The following RUVBL2 variants were observed in gnomAD, a reference collection of about 807,000 sequenced individuals.
RUVBL2 encodes RuvB like AAA ATPase 2.
RUVBL2 carries 9 observed loss-of-function variants against 57.9 expected under a neutral mutation model. The observed-to-expected ratio is 0.16, with a 90% confidence interval of 0.09 to 0.27. The LOEUF (loss-of-function observed/expected upper bound fraction) is 0.27. RUVBL2 is among the 10% of genes least tolerant of loss of function. RUVBL2 has a pLI of 1.00. For synonymous variants in RUVBL2, 278 were observed against 264.6 expected (o/e 1.05, Z -0.49); for missense variants, 456 against 669.6 (o/e 0.68, Z 3.52).
Position 49,011,684 on chromosome 19 carries a change from C to A in RUVBL2, c.1001+374C>A, listed in dbSNP as rs771998178. Among the ~76,000 whole-genome samples the A allele has an allele frequency of 6.6e-6, 1 of 152,186 alleles. No homozygotes were observed. The highest frequency in any genetic ancestry group is 1.5e-5 in the Non-Finnish European group (1 of 68,024). Reference sequence around the variant, plus strand: ...ACTACGATTGTTCAGTCACTTCGACCCAGCAACTCCATTAACAGAACTCTT... The same window carrying A: ...ACTACGATTGTTCAGTCACTTCGACACAGCAACTCCATTAACAGAACTCTT... On this transcript the variant is annotated intron_variant, in intron 11 of 14. Coordinates refer to ENST00000595090, the MANE Select transcript of RUVBL2 (RefSeq NM_006666.3). This position sits in a 1 kb window ranked among gnomAD's most constrained non-coding sequence, Gnocchi z 4.4.
At chr19:48,996,627 G>A (rs1012880730) in intron 1 of RUVBL2, among the ~76,000 whole-genome samples, 1 of 151,894 alleles carries the variant, frequency 6.6e-6, no homozygotes, top group African/African-American at 2.4e-5. Flanking sequence ...CTGGGTTCAA[G>A]CAATTCTCCT....
rs371491686 is a variant in RUVBL2, at chr19:48,999,389, C to A, written c.67+16C>A. 5 of 1,613,878 alleles carry A rather than the reference C, an allele frequency of 3.1e-6. No individual in the cohort carries two copies. The African/African-American group carries it at 6.7e-5, about 22-fold the overall frequency. Reference sequence around the variant, plus strand: ...GAGCGAATCGGTGAGTGAGTTGGGTCAGGAATAGGACCTAAGCCCTGCCTG... The same window carrying A: ...GAGCGAATCGGTGAGTGAGTTGGGTAAGGAATAGGACCTAAGCCCTGCCTG... On this transcript the variant is annotated intron_variant, in intron 2 of 14. Transcript: ENST00000595090.
intron 1 of RUVBL2, chr19:48,994,954 G>A (rs1368645310): frequency 6.6e-6 from 1 of 152,106 alleles, no homozygotes; most frequent in Non-Finnish European, 1.5e-5. Flanking sequence ...CTGAACTTAG[G>A]GACTGGGCTG....
Position 49,015,863 on chromosome 19 carries a change from C to T in RUVBL2, c.*21C>T, listed in dbSNP as rs756253228. 45 of 1,614,060 alleles carry T rather than the reference C, an allele frequency of 2.8e-5. No homozygotes were observed. The highest frequency in any genetic ancestry group is 3.2e-5 in the Non-Finnish European group (38 of 1,180,012). Reference sequence around the variant, plus strand: ...CCTGAGTTGGATGTCATCCCCCGACCCCACCCTGTTTTCCACCAGAGTTCT... The same window carrying T: ...CCTGAGTTGGATGTCATCCCCCGACTCCACCCTGTTTTCCACCAGAGTTCT... On this transcript the variant is annotated 3_prime_UTR_variant, in exon 15 of 15. Transcript: ENST00000595090.
At chr19:48,994,201 G>A (rs2039006672) in intron 1 of RUVBL2, 2 of 541,042 alleles carry the variant, frequency 3.7e-6, no homozygotes, top group Admixed American at 6.2e-5. Flanking sequence ...AAATCATCTT[G>A]GCGCAACGGC....
chr19:49,013,758 GA>G (rs2039483283), intron 11 of RUVBL2, among the ~76,000 whole-genome samples: 1 of 152,110 alleles, frequency 6.6e-6, no homozygotes, highest in Non-Finnish European at 1.5e-5. Context: ...ATTAAAAATA[GA>G]AAAAACTAGC....
In RUVBL2 at chr19:49,004,305, C is replaced by T. The variant is rs199906858; in HGVS notation, c.152C>T (p.Ala51Val). Residue 51 changes from alanine to valine, a missense_variant, in exon 4 of 15, where the codon GCG becomes GTG. Ala to Val is a moderately conservative substitution (Grantham distance 64). This residue lies in a region of RUVBL2 where 233 missense variants were observed against 306.0 expected (regional missense o/e 0.76). Coordinates refer to ENST00000595090, the MANE Select transcript of RUVBL2 (RefSeq NM_006666.3). Reference protein sequence around the residue: ...QASQGMVGQLAARRAAGVVLE... With the variant: ...QASQGMVGQLVARRAAGVVLE... ...TCGCAAGGCATGGTGGGTCAGCTGG[C>T]GGCACGGCGGGCGGCTGGCGTGGTG... 612 of 1,612,110 alleles carry T rather than the reference C, an allele frequency of 3.8e-4. 3 individuals carry two copies. The highest frequency in any genetic ancestry group is 3.3e-5 in the South Asian group (3 of 91,034).
intron 1 of RUVBL2, among the ~76,000 whole-genome samples, chr19:48,998,573 G>A (rs538186042): frequency 6.6e-6 from 1 of 151,888 alleles, no homozygotes; most frequent in African/African-American, 2.4e-5. Context: ...GCCAAGTGTG[G>A]TGGTGTGCGC....
chr19:49,009,419 A>G (rs184955905), intron 6 of RUVBL2, among the ~76,000 whole-genome samples: 31 of 150,278 alleles, frequency 2.1e-4, no homozygotes, highest in East Asian at 2.0e-3. Context: ...CCCGGGAGGC[A>G]GAGCTTGCAG....
At chr19:48,998,191 TC>T (rs2039101626) in intron 1 of RUVBL2, among the ~76,000 whole-genome samples, 1 of 152,166 alleles carries the variant, frequency 6.6e-6, no homozygotes, top group Admixed American at 6.5e-5. Context: ...AGAAAGGGCC[TC>T]CCCTAGGGGG....
At chr19:49,006,896 T>C (rs1017309176) in intron 4 of RUVBL2, 122 bp from the exon 5 acceptor site, 1 of 1,320,430 alleles carries the variant, frequency 7.6e-7, no homozygotes, top group African/African-American at 1.5e-5. Context: ...GCCAAGTCCT[T>C]ACATGTAGGA....
chr19:48,993,738 A>G (rs1477500029), upstream of RUVBL2: 4 of 786,288 alleles, frequency 5.1e-6, no homozygotes, highest in South Asian at 3.3e-5. Context: ...CCCGTCTTCC[A>G]GCGCAGCCTC....
chr19:49,015,973 T>A (rs2013039), downstream of RUVBL2: 13 of 1,613,948 alleles, frequency 8.1e-6, no homozygotes, highest in South Asian at 2.2e-5. Context: ...GAAAGACACC[T>A]CCAGAGTGCG....
At position 49,009,964 on chromosome 19, in the gene RUVBL2, C is replaced by T. The variant is rs368479649; in HGVS notation, c.570-9C>T. 5.7e-5 allele frequency: 92 copies of T among 1,605,810 alleles called. No individual in the cohort carries two copies. In the African/African-American group the frequency reaches 8.5e-4, roughly 15 times the overall value. Reference sequence around the variant, plus strand: ...TCCTTTCCTTACCCTACCCCCCATCCCCCTGTAGGGACGTGATCACCATCG... The same window carrying T: ...TCCTTTCCTTACCCTACCCCCCATCTCCCTGTAGGGACGTGATCACCATCG... On this transcript the variant is annotated splice_polypyrimidine_tract_variant and intron_variant, in intron 7 of 14. Coordinates refer to ENST00000595090, the MANE Select transcript of RUVBL2 (RefSeq NM_006666.3).
In RUVBL2 at chr19:49,006,703, C is replaced by T. The variant is rs145022027; in HGVS notation, c.266-315C>T. On this transcript the variant is annotated intron_variant, in intron 4 of 14. Coordinates refer to ENST00000595090, the MANE Select transcript of RUVBL2 (RefSeq NM_006666.3). Reference sequence around the variant, plus strand: ...CCCTTCGTCCAGCTCTGAGGCTAAACAGCTCGTAGAGGCTGGGAGACTGAG... The same window carrying T: ...CCCTTCGTCCAGCTCTGAGGCTAAATAGCTCGTAGAGGCTGGGAGACTGAG... Among the ~76,000 whole-genome samples, 388 of 152,362 alleles carry T rather than the reference C, an allele frequency of 2.5e-3. 2 individuals are homozygous for T. Among genetic ancestry groups the T allele is most frequent in the African/African-American group, 8.8e-3 (366 of 41,590 alleles).
chr19:49,005,534 C>T (rs1600180772), intron 4 of RUVBL2, among the ~76,000 whole-genome samples: 1 of 152,118 alleles, frequency 6.6e-6, no homozygotes, highest in Admixed American at 6.6e-5. Flanking sequence ...AGTAGGATGG[C>T]CAGGAGGCTC....
intron 8 of RUVBL2, 182 bp from the exon 9 acceptor site, chr19:49,010,306 G>A (rs1195410316): frequency 2.8e-6 from 2 of 706,106 alleles, no homozygotes; most frequent in African/African-American, 3.6e-5. Context: ...GTGACCCTCA[G>A]CGCTCTGGAA....
chr19:49,009,806 A>T lies in RUVBL2; in HGVS notation c.493A>T (p.Thr165Ser), dbSNP rs1600189163. 1.2e-6 allele frequency: 2 copies of T among 1,613,888 alleles called. No individual in the cohort carries two copies. Among genetic ancestry groups the T allele is most frequent in the Admixed American group, 1.7e-5 (1 of 59,982 alleles). ...GSKVGKLTLK[T>S]TEMETIYDLG... ...CAAGGTGGGCAAACTGACCCTCAAG[A>T]CCACAGAGATGGAGACCATCTACGA... Residue 165 changes from threonine (T) to serine (S), a missense_variant, in exon 7 of 15, where the codon ACC (threonine) becomes TCC (serine). Around this residue, in one of 5 missense-constraint regions of RUVBL2, gnomAD observed 233 missense variants for 306.0 expected, o/e 0.76. Transcript: ENST00000595090.
rs117120264 is a variant in RUVBL2 at position 48,996,117 on chromosome 19, G to A, written c.12+2194G>A. 6.6e-3 allele frequency among the ~76,000 whole-genome samples: 1,007 copies of A among 151,678 alleles called. 53 individuals are homozygous for A. The East Asian group carries it at 0.13, about 20-fold the overall frequency. On this transcript the variant is annotated intron_variant, in intron 1 of 14. Transcript: ENST00000595090. ...AGCCTGGGAGGTGGAGGCCACAGCA[G>A]TCCAGCCTGGGGGACAAAATGAGAT...
Sources: gnomAD v4.1 joint callset for allele counts (sites outside exome capture counted in the v4.1 genomes callset) on GRCh38, gnomAD v4.1.1 for gene constraint, gnomAD v4.1.1 regional missense constraint, Gnocchi (gnomAD v3.1) non-coding constraint, MANE v1.5 for transcripts, NCBI Gene and HGNC (gene_info 2026-07-23, HGNC 2026-07-21) for gene names.